MNAT1: variants seen among roughly 807,000 people sequenced by gnomAD.
The protein encoded by MNAT1 is MNAT1 component of CDK activating kinase, also known as CDK-activating kinase assembly factor MAT1.
A neutral mutation model predicts 42.0 loss-of-function variants in MNAT1; 43 were observed. The observed-to-expected ratio is 1.02, with a 90% CI of 0.80 to 1.32. The LOEUF is 1.32. MNAT1 is among the 40% of genes most tolerant of loss of function. MNAT1 has a pLI of 0.00. For synonymous variants in MNAT1, 118 were observed against 120.0 expected (o/e 0.98, Z 0.11); for missense variants, 306 against 350.4 (o/e 0.87, Z 1.01).
intron 2 of MNAT1, among the ~76,000 whole-genome samples, chr14:60,797,652 G>T (rs2032060380): frequency 6.6e-6 from 1 of 152,310 alleles, no homozygotes; most frequent in African/African-American, 2.4e-5. Flanking sequence ...TTTAGGCTGG[G>T]CGCGGTGGCT....
At chr14:60,941,671 C>T (rs1277441348) in intron 7 of MNAT1, among the ~76,000 whole-genome samples, 5 of 151,122 alleles carry the variant, frequency 3.3e-5, no homozygotes, top group African/African-American at 1.2e-4. Flanking sequence ...CACTGTACTC[C>T]AGTGTGAGCA....
At chr14:60,885,599 G>A (rs2034648221) in intron 7 of MNAT1, among the ~76,000 whole-genome samples, 1 of 151,850 alleles carries the variant, frequency 6.6e-6, no homozygotes, top group Non-Finnish European at 1.5e-5. Context: ...TTTTTAAGTT[G>A]AGTTATTTGG....
At chr14:60,807,797 A>T (rs2032419383) in intron 3 of MNAT1, among the ~76,000 whole-genome samples, 2 of 152,046 alleles carry the variant, frequency 1.3e-5, no homozygotes, top group Non-Finnish European at 2.9e-5. Context: ...CTTAAGTTCC[A>T]ACTCCTTTAT....
chr14:60,900,148 C>A (rs2035045060), intron 7 of MNAT1, among the ~76,000 whole-genome samples: 2 of 151,308 alleles, frequency 1.3e-5, no homozygotes, highest in Non-Finnish European at 1.5e-5. Flanking sequence ...AATAACCCTG[C>A]AGAGGGTTCT....
At chr14:60,833,351 C>T (rs1010559959) in intron 6 of MNAT1, among the ~76,000 whole-genome samples, 11 of 152,092 alleles carry the variant, frequency 7.2e-5, no homozygotes, top group Non-Finnish European at 1.3e-4. Flanking sequence ...AGATACATTC[C>T]GTCAATACCT....
chr14:60,800,167 T>A (rs985728181), intron 3 of MNAT1, among the ~76,000 whole-genome samples: 2 of 149,978 alleles, frequency 1.3e-5, no homozygotes, highest in African/African-American at 4.8e-5. Flanking sequence ...TTATATGTAA[T>A]TTAAATATTT....
In MNAT1 at chr14:60,968,625, A is replaced by G; in HGVS notation, c.*276A>G. 1 of 793,596 alleles carries G rather than the reference A, an allele frequency of 1.3e-6. No homozygotes were observed. Among genetic ancestry groups the G allele is most frequent in the African/African-American group, 1.8e-5 (1 of 55,496 alleles). 49.2% of individuals were successfully genotyped at this position (793,596 alleles called of 1,614,324 possible). A position where few individuals can be genotyped will look rare whatever the true frequency, so the allele number is the denominator to read the frequency against. ...TAAATAATTCACCTATATGTGTTTGAGGTTGTGACAGACTTATAAAATCTT... is the reference window on the plus strand; with the variant it reads ...TAAATAATTCACCTATATGTGTTTGGGGTTGTGACAGACTTATAAAATCTT... On this transcript the variant is annotated 3_prime_UTR_variant, in exon 8 of 8. Transcript: ENST00000261245.
chr14:60,839,558 C>T (rs1012931032), intron 6 of MNAT1, among the ~76,000 whole-genome samples: 2 of 152,150 alleles, frequency 1.3e-5, no homozygotes, highest in Admixed American at 6.5e-5. Context: ...GACTGAAATA[C>T]GTCCCCCTGC....
intron 7 of MNAT1, among the ~76,000 whole-genome samples, chr14:60,950,992 G>C (rs1566576272): frequency 6.6e-6 from 1 of 152,080 alleles, no homozygotes; most frequent in African/African-American, 2.4e-5. Context: ...AGTAGCCATG[G>C]TACGTAGAAG....
intron 7 of MNAT1, among the ~76,000 whole-genome samples, chr14:60,962,965 A>T (rs2036621999): frequency 6.6e-6 from 1 of 151,536 alleles, no homozygotes; most frequent in Non-Finnish European, 1.5e-5. Flanking sequence ...TTTGGACTTC[A>T]TGAAGCCATA....
At chr14:60,882,828 T>C (rs1270058888) in intron 7 of MNAT1, among the ~76,000 whole-genome samples, 1 of 152,114 alleles carries the variant, frequency 6.6e-6, no homozygotes, top group African/African-American at 2.4e-5. Context: ...TCTCTGATGA[T>C]TACTGGTGAT....
chr14:60,951,109 A>G (rs1296171884), intron 7 of MNAT1, among the ~76,000 whole-genome samples: 2 of 152,196 alleles, frequency 1.3e-5, no homozygotes, highest in Admixed American at 6.5e-5. Flanking sequence ...TATTTCAAAC[A>G]TAGAGAAGCA....
At chr14:60,856,783 C>T (rs984274651) in intron 6 of MNAT1, among the ~76,000 whole-genome samples, 4 of 151,654 alleles carry the variant, frequency 2.6e-5, no homozygotes, top group Admixed American at 6.6e-5. Context: ...TGGTTTCAAG[C>T]GTTTCCTCTG....
intron 6 of MNAT1, among the ~76,000 whole-genome samples, chr14:60,859,464 T>C (rs1051846070): frequency 2.6e-4 from 39 of 152,222 alleles, no homozygotes; most frequent in African/African-American, 9.2e-4. Flanking sequence ...TTGTGAAAGA[T>C]GTTAGTGACT....
At position 60,932,402 on chromosome 14, in the gene MNAT1, GCATTT is replaced by G. The variant is rs199613603; in HGVS notation, c.810-35816_810-35812del. Among the ~76,000 whole-genome samples, 1,258 of 152,000 alleles carry G rather than the reference GCATTT, an allele frequency of 8.3e-3. 12 individuals are homozygous for G. The highest frequency in any genetic ancestry group is 0.013 in the Admixed American group (198 of 15,260). On this transcript the variant is annotated intron_variant, in intron 7 of 7. Transcript: ENST00000261245. Reference sequence around the variant, plus strand: ...CAGAACTGTAATTCCACTTAGTACAGCATTTCATTTCATTTTTTTAAAAGAGGTTT... The same window carrying G: ...CAGAACTGTAATTCCACTTAGTACAGCATTTCATTTTTTTAAAAGAGGTTT...
intron 6 of MNAT1, among the ~76,000 whole-genome samples, chr14:60,824,292 GCTA>G (rs2032989897): frequency 6.6e-6 from 1 of 151,958 alleles, no homozygotes; most frequent in Non-Finnish European, 1.5e-5. Flanking sequence ...TGCCCATCCA[GCTA>G]CTTTCTTTGA....
At chr14:60,852,539 C>G (rs1048904611) in intron 6 of MNAT1, among the ~76,000 whole-genome samples, 6 of 152,162 alleles carry the variant, frequency 3.9e-5, no homozygotes, top group African/African-American at 1.2e-4. Context: ...TGCAGAAGCT[C>G]TTTAGCTTGG....
chr14:60,894,409 GAA>G lies in MNAT1; in HGVS notation c.809+14575_809+14576del, dbSNP rs774741963. 2.0e-5 allele frequency among the ~76,000 whole-genome samples: 3 copies of G among 151,880 alleles called. No homozygotes were observed. In the East Asian group the frequency reaches 5.8e-4, roughly 29 times the overall value. ...TCTTCTATGGTGGTGGTACTTCTTA[GAA>G]CATGAAGATTTAAATAAGGGTTAGA... On this transcript the variant is annotated intron_variant, in intron 7 of 7. Coordinates refer to ENST00000261245, the MANE Select transcript of MNAT1 (RefSeq NM_002431.4).
At chr14:60,944,548 G>A (rs2036236348) in intron 7 of MNAT1, among the ~76,000 whole-genome samples, 1 of 152,160 alleles carries the variant, frequency 6.6e-6, no homozygotes, top group Admixed American at 6.5e-5. Flanking sequence ...GTGGTATTTT[G>A]TTATAGCAGT....
Sources: allele counts gnomAD v4.1 joint callset (sites outside exome capture counted in the v4.1 genomes callset), GRCh38; gene constraint gnomAD v4.1.1; transcripts MANE v1.5; gene names NCBI Gene and HGNC (gene_info 2026-07-23, HGNC 2026-07-21).